DCAF6: variants seen among roughly 807,000 people sequenced by gnomAD.
The protein encoded by DCAF6 is DDB1- and CUL4-associated factor 6.
Under a neutral mutation model 125.1 loss-of-function variants are expected in DCAF6, and 54 were observed. The observed-to-expected ratio is 0.43, with a 90% confidence interval of 0.35 to 0.54. DCAF6 has a LOEUF of 0.54. DCAF6 is among the 20% of genes least tolerant of loss of function. The pLI, the probability that DCAF6 is intolerant of heterozygous loss-of-function variation, is 0.01. For missense variants in DCAF6, 934 were observed against 1,161.7 expected (o/e 0.80, Z 2.85); for synonymous variants, 371 against 390.4 (o/e 0.95, Z 0.58).
chr1:168,021,329 A>G (rs1396690949), intron 11 of DCAF6, among the ~76,000 whole-genome samples: 1 of 152,168 alleles, frequency 6.6e-6, no homozygotes, highest in Non-Finnish European at 1.5e-5. Context: ...TGGATGAAAA[A>G]TATTTTTCAC....
chr1:168,058,866 G>A (rs28407455), intron 17 of DCAF6, among the ~76,000 whole-genome samples: 2,735 of 152,090 alleles, frequency 0.018, 75 homozygotes, highest in African/African-American at 0.063. Context: ...CACTGCACCC[G>A]GTCCTGATCT....
At chr1:167,980,452 G>T (rs886857798) in intron 4 of DCAF6, among the ~76,000 whole-genome samples, 2 of 152,006 alleles carry the variant, frequency 1.3e-5, no homozygotes, top group South Asian at 2.1e-4. Context: ...GTGTGCAAGG[G>T]TGCCAACTTC....
At chr1:167,936,043 G>A (rs189051947), upstream of DCAF6, 119 of 596,568 alleles carry the variant, frequency 2.0e-4, 1 homozygote, top group South Asian at 2.1e-3. Context: ...AGGGGGCGGA[G>A]GCTGCCGACT....
At chr1:167,926,692 T>C in the DCAF6 span, among the ~76,000 whole-genome samples, 13 of 152,134 alleles carry the variant, frequency 8.5e-5, no homozygotes, top group African/African-American at 3.1e-4. Context: ...CATCCTCCAA[T>C]GCGCAGGACA....
chr1:167,945,923 A>T (rs911746887), intron 1 of DCAF6, among the ~76,000 whole-genome samples: 13 of 149,132 alleles, frequency 8.7e-5, no homozygotes, highest in South Asian at 8.4e-4. Flanking sequence ...TGTATCTTGC[A>T]AGTTTACTGA....
At chr1:167,866,275 G>A in the DCAF6 span, among the ~76,000 whole-genome samples, 2 of 152,266 alleles carry the variant, frequency 1.3e-5, no homozygotes, top group Non-Finnish European at 2.9e-5. Context: ...CCCCCTTATA[G>A]GTCTTTCGAC....
chr1:167,952,715 G>A (rs891719919), intron 2 of DCAF6, among the ~76,000 whole-genome samples: 1 of 151,992 alleles, frequency 6.6e-6, no homozygotes, highest in Non-Finnish European at 1.5e-5. Flanking sequence ...AGCTCAAAAT[G>A]ACCCTATCTA....
chr1:167,988,108 C>G (rs560957907), intron 5 of DCAF6, among the ~76,000 whole-genome samples: 1 of 152,120 alleles, frequency 6.6e-6, no homozygotes, highest in Non-Finnish European at 1.5e-5. Flanking sequence ...GCCCACTTTC[C>G]TAAAGATAAT....
At chr1:167,962,385 A>G (rs1273167509) in intron 2 of DCAF6, among the ~76,000 whole-genome samples, 1 of 151,838 alleles carries the variant, frequency 6.6e-6, no homozygotes, top group Non-Finnish European at 1.5e-5. Context: ...TTAAGCACAT[A>G]CATGTTAGGG....
At chr1:167,935,819 C>G, upstream of DCAF6, 1 of 1,553,848 alleles carries the variant, frequency 6.4e-7, no homozygotes. Context: ...GGCCCGCAGG[C>G]CTCGGGCACC....
intron 2 of DCAF6, among the ~76,000 whole-genome samples, chr1:167,953,720 T>C (rs1212738238): frequency 6.6e-6 from 1 of 151,836 alleles, no homozygotes; most frequent in East Asian, 1.9e-4. Flanking sequence ...CGCTGCAGCC[T>C]CCCGAGTAGC....
intron 12 of DCAF6, among the ~76,000 whole-genome samples, chr1:168,030,290 T>C (rs577374481): frequency 6.6e-6 from 1 of 152,264 alleles, no homozygotes; most frequent in South Asian, 2.1e-4. Context: ...CTGAATAAGT[T>C]AGGTGAAGGA....
chr1:167,899,797 C>T, the DCAF6 span, among the ~76,000 whole-genome samples: 1 of 152,186 alleles, frequency 6.6e-6, no homozygotes, highest in Non-Finnish European at 1.5e-5. Context: ...GGGCTCGGGC[C>T]TTCCAAAGCT....
chr1:167,901,763 A>C, the DCAF6 span: 1 of 1,614,202 alleles, frequency 6.2e-7, no homozygotes, highest in South Asian at 1.1e-5. Context: ...AATGTTTTTC[A>C]GCTGCTTTCG....
the DCAF6 span, among the ~76,000 whole-genome samples, chr1:167,921,465 G>A: frequency 3.9e-5 from 6 of 151,998 alleles, no homozygotes; most frequent in African/African-American, 7.2e-5. Flanking sequence ...CAGGTGATCC[G>A]CCCGCCTCAA....
chr1:167,896,630 G>C, the DCAF6 span: 4 of 1,613,720 alleles, frequency 2.5e-6, no homozygotes, highest in Non-Finnish European at 3.4e-6. Context: ...ATGCATGAAG[G>C]TCGTACACTT....
In DCAF6 at chr1:168,044,471, T is replaced by C. The variant is rs1267005926; in HGVS notation, c.1844-114T>C. 9.8e-6 allele frequency: 7 copies of C among 716,532 alleles called. No homozygotes were observed. The Admixed American group carries it at 1.5e-4, about 16-fold the overall frequency. The allele number at this position is 716,532 out of a possible 1,614,324, so 44.4% of individuals were successfully genotyped here. A position where few individuals can be genotyped will look rare whatever the true frequency, so the allele number is the denominator to read the frequency against. On this transcript the variant is annotated intron_variant, in intron 14 of 21. Coordinates refer to ENST00000367840, the MANE Select transcript of DCAF6 (RefSeq NM_001198956.2). ...GGTATGCATAGGTTATATGCAAATA[T>C]TATGCCATTATATATGAGGGACTTG...
At chr1:167,944,485 T>G (rs575448243) in intron 1 of DCAF6, among the ~76,000 whole-genome samples, 1 of 152,214 alleles carries the variant, frequency 6.6e-6, no homozygotes, top group African/African-American at 2.4e-5. Context: ...TTGTCTGTCT[T>G]TTTAATAAAA....
intron 2 of DCAF6, among the ~76,000 whole-genome samples, chr1:167,959,431 A>G (rs1224376419): frequency 6.6e-6 from 1 of 152,206 alleles, no homozygotes; most frequent in Non-Finnish European, 1.5e-5. Flanking sequence ...ATAAATACCA[A>G]GGAGCATGCT....
Sources: gnomAD v4.1 joint callset for allele counts (sites outside exome capture counted in the v4.1 genomes callset) on GRCh38, gnomAD v4.1.1 for gene constraint, MANE v1.5 for transcripts, NCBI Gene and HGNC (gene_info 2026-07-23, HGNC 2026-07-21) for gene names.